The following AGGF1 variants were observed in gnomAD, a reference collection of about 807,000 sequenced individuals.
The protein encoded by AGGF1 is angiogenic factor with G patch and FHA domains 1.
Under a neutral mutation model 86.5 loss-of-function variants are expected in AGGF1, and 56 were observed. That is an observed-to-expected ratio of 0.65 (90% confidence interval 0.52 to 0.81). The LOEUF is 0.81. Ranked by LOEUF, AGGF1 falls within the 30% of genes least tolerant of loss-of-function variation. The pLI is 0.00. For synonymous variants in AGGF1, 313 were observed against 297.1 expected, an observed-to-expected ratio of 1.05 and a Z score of -0.55; for missense variants, 816 against 850.9, an observed-to-expected ratio of 0.96 and a Z score of 0.51.
chr5:77,035,514 C>T (rs776732639), intron 2 of AGGF1, 27 bp from the exon 3 acceptor site: 85 of 1,547,380 alleles, frequency 5.5e-5, no homozygotes, highest in Non-Finnish European at 7.3e-5. Context: ...TAATATGATA[C>T]GATTTCACTT....
In AGGF1 at chr5:77,054,054, C is replaced by T; in HGVS notation, c.1557C>T (p.Gly519=). ...TCTTATCCTTTCACATTCATCCTGG[C>T]AGTGATACCTGTGATGGCTGTGAAC... is the stretch of plus-strand genomic sequence containing the variant. ...ETVLSFHIHP[G]SDTCDGCEPG... Residue 519 remains glycine (G), a synonymous_variant, in exon 10 of 14, where the codon GGC becomes GGT. Coordinates refer to ENST00000312916, the MANE Select transcript of AGGF1 (RefSeq NM_018046.5). 6.8e-6 allele frequency: 11 copies of T among 1,614,110 alleles called. No individual in the cohort carries two copies. Among genetic ancestry groups the T allele is most frequent in the Non-Finnish European group, 9.3e-6 (11 of 1,180,008 alleles).
chr5:77,059,124 TC>T (rs1334382570), intron 11 of AGGF1, among the ~76,000 whole-genome samples: 1 of 151,478 alleles, frequency 6.6e-6, no homozygotes, highest in Non-Finnish European at 1.5e-5. Flanking sequence ...TAGATTTTTT[TC>T]CCCCCAAACC....
intron 12 of AGGF1, 141 bp downstream of exon 12, chr5:77,059,884 C>A: frequency 9.0e-7 from 1 of 1,111,092 alleles, no homozygotes; most frequent in Non-Finnish European, 1.3e-6. Flanking sequence ...CTCCGTCGCC[C>A]AGGCTGGAGT....
Position 77,055,476 on chromosome 5 carries a change from T to A in AGGF1, c.1634-38T>A, listed in dbSNP as rs746479721. On this transcript the variant is annotated intron_variant, in intron 10 of 13. Transcript: ENST00000312916. ...GTTTTAATTTTGTACAAAATCAGAT[T>A]TAGTGGCTTTTTTTTAACCAAACTT... is the stretch of plus-strand genomic sequence containing the variant. 6 of 1,343,546 alleles carry A rather than the reference T, an allele frequency of 4.5e-6. No homozygotes were observed. In the African/African-American group the frequency reaches 7.2e-5, roughly 16 times the overall value. 83.2% of individuals were successfully genotyped at this position (1,343,546 alleles called of 1,614,324 possible). A position where few individuals can be genotyped will look rare whatever the true frequency, so the allele number is the denominator to read the frequency against.
rs1747254935 is a variant in AGGF1 at position 77,046,496 on chromosome 5, T to C, written c.1020T>C (p.Asn340=). The C allele has an allele frequency of 6.2e-7, 1 of 1,614,050 alleles. No homozygotes were observed. The highest frequency in any genetic ancestry group is 1.3e-5 in the African/African-American group (1 of 75,034). ...AAGTCACTGTTCCAACTAGTGGAAA[T>C]ACTATAGAGTCTCCTCTTCATGAAA... ...PPKVTVPTSG[N]TIESPLHENI... The change falls in exon 6 of 14, where the codon AAT becomes AAC. Residue 340 remains asparagine, a synonymous_variant. Transcript: ENST00000312916.
intron 13 of AGGF1, 47 bp from the exon 14 acceptor site, chr5:77,063,005 T>C: frequency 6.3e-7 from 1 of 1,599,424 alleles, no homozygotes; most frequent in Non-Finnish European, 8.6e-7. Context: ...CAGATTTCAA[T>C]GTGTTTAGAC....
intron 6 of AGGF1, 62 bp downstream of exon 6, chr5:77,046,739 C>T (rs1747262626): frequency 6.9e-7 from 1 of 1,450,188 alleles, no homozygotes; most frequent in African/African-American, 1.4e-5. Flanking sequence ...AGAGCAAAAC[C>T]ATTAAAAATG....
intron 11 of AGGF1, among the ~76,000 whole-genome samples, chr5:77,056,084 C>T (rs1473604499): frequency 6.6e-6 from 1 of 152,094 alleles, no homozygotes; most frequent in Non-Finnish European, 1.5e-5. Context: ...TATAATTAAA[C>T]TGCAGTGATT....
chr5:77,057,969 C>A (rs995128914), intron 11 of AGGF1, among the ~76,000 whole-genome samples: 7 of 152,092 alleles, frequency 4.6e-5, no homozygotes, highest in African/African-American at 1.7e-4. Context: ...ATGTAAACTT[C>A]TAGGAAAGCA....
intron 6 of AGGF1, among the ~76,000 whole-genome samples, chr5:77,047,181 C>G (rs77264734): frequency 0.024 from 3,649 of 152,098 alleles, 69 homozygotes; most frequent in African/African-American, 0.054. Context: ...TGGATTCAAG[C>G]AACCTCAGAT....
chr5:77,056,361 T>C (rs1178101827), intron 11 of AGGF1, among the ~76,000 whole-genome samples: 3 of 151,332 alleles, frequency 2.0e-5, no homozygotes, highest in Non-Finnish European at 4.4e-5. Context: ...GACAAGCAGC[T>C]GTGATTGCAG....
chr5:77,063,710 C>A lies in AGGF1; in HGVS notation c.*458C>A. On this transcript the variant is annotated 3_prime_UTR_variant, in exon 14 of 14. Transcript: ENST00000312916. ...TTTAGAACCTAGGTAAAAAATGTTG[C>A]GAAAACATGGGTAGTGGCGCATACA... 1 of 166,706 alleles carries A rather than the reference C, an allele frequency of 6.0e-6. No individual in the cohort carries two copies. The highest frequency in any genetic ancestry group is 1.3e-5 in the Non-Finnish European group (1 of 76,742). 10.3% of individuals were successfully genotyped at this position (166,706 alleles called of 1,614,324 possible).
At chr5:77,031,074 CTACTGTAGAG>C (rs1746841396) in intron 1 of AGGF1, 98 bp downstream of exon 1, 1 of 1,293,612 alleles carries the variant, frequency 7.7e-7, no homozygotes, top group Non-Finnish European at 1.1e-6. Flanking sequence ...GGGCTCAGAA[CTACTGTAGAG>C]TACTTAAAGT....
Position 77,030,621 on chromosome 5 carries a change from C to T in AGGF1, c.-146C>T, listed in dbSNP as rs968607784. On this transcript the variant is annotated 5_prime_UTR_variant, in exon 1 of 14. Coordinates refer to ENST00000312916, the MANE Select transcript of AGGF1 (RefSeq NM_018046.5). Reference sequence around the variant, plus strand: ...GTTCGGCTACAAGTGAGTTTCAGGGCGTCATGGCCAGGGGCCACCGCGGCC... The same window carrying T: ...GTTCGGCTACAAGTGAGTTTCAGGGTGTCATGGCCAGGGGCCACCGCGGCC... 9 of 888,358 alleles carry T rather than the reference C, an allele frequency of 1.0e-5. No individual in the cohort carries two copies. The highest frequency in any genetic ancestry group is 2.6e-5 in the East Asian group (1 of 37,802). The allele number at this position is 888,358 out of a possible 1,614,324, so 55.0% of individuals were successfully genotyped here.
In AGGF1 at chr5:77,039,662, T is replaced by A. The variant is rs150609016; in HGVS notation, c.813T>A (p.Asp271Glu). Residue 271 changes from aspartate (D) to glutamate (E), a missense_variant, in exon 5 of 14, where the codon GAT becomes GAA. Physicochemically the swap from Asp to Glu is conservative, Grantham distance 45. Around this residue, in one of 3 missense-constraint regions of AGGF1, gnomAD observed 565 missense variants for 585.8 expected, o/e 0.96. Coordinates refer to ENST00000312916, the MANE Select transcript of AGGF1 (RefSeq NM_018046.5). ...CTTCTAGCACAAAACAAAGTAAAGA[T>A]AAAAAATTGAAGAAGAAAAGAAAAG... ...YPTSSTKQSK[D>E]KKLKKKRKDP... The A allele has an allele frequency of 8.1e-6, 13 of 1,612,086 alleles. No individual in the cohort carries two copies. The highest frequency in any genetic ancestry group is 1.1e-5 in the Non-Finnish European group (13 of 1,179,390).
chr5:77,057,567 G>A (rs553795618), intron 11 of AGGF1, among the ~76,000 whole-genome samples: 1 of 152,260 alleles, frequency 6.6e-6, no homozygotes, highest in African/African-American at 2.4e-5. Flanking sequence ...TCTGTGAGAC[G>A]GAACACACTC....
chr5:77,039,538 A>T lies in AGGF1; in HGVS notation c.689A>T (p.Gln230Leu). The part of the protein sequence containing the change: ...STGFYYDSEN[Q>L]LYYDPSTGIY... ...TTTTCTTGACTTTCAAAGGAAAATCAACTCTATTATGATCCTTCCACTGGA... is the reference window on the plus strand; with the variant it reads ...TTTTCTTGACTTTCAAAGGAAAATCTACTCTATTATGATCCTTCCACTGGA... Residue 230 changes from glutamine to leucine, a missense_variant, in exon 5 of 14, where the codon CAA (glutamine) becomes CTA (leucine). Physicochemically the swap from Gln to Leu is moderately radical, Grantham distance 113. This residue lies in a region of AGGF1 where 565 missense variants were observed against 585.8 expected (regional missense o/e 0.96). Transcript: ENST00000312916. 6.3e-7 allele frequency: 1 copy of T among 1,597,166 alleles called. No homozygotes were observed. The highest frequency in any genetic ancestry group is 8.5e-7 in the Non-Finnish European group (1 of 1,169,770).
chr5:77,040,228 C>T (rs150933065), intron 5 of AGGF1, among the ~76,000 whole-genome samples: 2,562 of 151,928 alleles, frequency 0.017, 77 homozygotes, highest in African/African-American at 0.059. Flanking sequence ...CCTGCCTCAG[C>T]CTCCCGAGTA....
chr5:77,037,268 G>A (rs573483057), intron 4 of AGGF1, among the ~76,000 whole-genome samples: 8 of 152,204 alleles, frequency 5.3e-5, no homozygotes, highest in African/African-American at 1.4e-4. Context: ...TAACTACATC[G>A]TAAATATTTT....
Sources: gnomAD v4.1 joint callset for allele counts (sites outside exome capture counted in the v4.1 genomes callset) on GRCh38, gnomAD v4.1.1 for gene constraint, gnomAD v4.1.1 regional missense constraint, MANE v1.5 for transcripts, NCBI Gene and HGNC (gene_info 2026-07-23, HGNC 2026-07-21) for gene names.